Variants in FNIP1 observed in about 807,000 individuals in gnomAD.
The protein encoded by FNIP1 is folliculin interacting protein 1, also known as folliculin-interacting protein 1.
FNIP1 carries 40 observed loss-of-function variants against 124.5 expected under a neutral mutation model. The ratio of observed to expected loss-of-function variants is 0.32; its 90% CI spans 0.25 to 0.42. FNIP1 has a LOEUF of 0.42. Ranked by LOEUF, FNIP1 falls within the 10% of genes least tolerant of loss-of-function variation. The pLI, the probability that FNIP1 is intolerant of heterozygous loss-of-function variation, is 1.00. For synonymous variants in FNIP1, 472 were observed against 470.6 expected (o/e 1.00, Z -0.04); for missense variants, 1,176 against 1,403.7 (o/e 0.84, Z 2.59).
chr5:131,687,788 A>G (rs952018809), intron 11 of FNIP1, among the ~76,000 whole-genome samples: 1 of 152,196 alleles, frequency 6.6e-6, no homozygotes, highest in Admixed American at 6.5e-5. Context: ...CTCAGTGACA[A>G]AAACTCCTAG....
intron 6 of FNIP1, among the ~76,000 whole-genome samples, chr5:131,713,342 G>A (rs921950503): frequency 5.9e-5 from 9 of 152,098 alleles, no homozygotes; most frequent in Admixed American, 1.3e-4. Flanking sequence ...CACCGCGCCC[G>A]GCCTCGTACC....
At chr5:131,659,603 G>A (rs1767347837) in intron 15 of FNIP1, among the ~76,000 whole-genome samples, 1 of 152,208 alleles carries the variant, frequency 6.6e-6, no homozygotes, top group African/African-American at 2.4e-5. Flanking sequence ...GATGGCACGG[G>A]GGAGGGCGTA....
Position 131,672,132 on chromosome 5 carries a change from G to A in FNIP1, c.2312C>T (p.Ala771Val). 1 of 1,614,130 alleles carries A rather than the reference G, an allele frequency of 6.2e-7. No individual in the cohort carries two copies. The highest frequency in any genetic ancestry group is 8.5e-7 in the Non-Finnish European group (1 of 1,180,026). Residue 771 changes from alanine to valine, a missense_variant, in exon 14 of 18, where the codon GCA (alanine) becomes GTA (valine). Coordinates refer to ENST00000510461, the MANE Select transcript of FNIP1 (RefSeq NM_133372.3). ...ATGTCTGGTAATCTGATCCACCACTGCCTGACTTCGAAGCTCAGTATCTGA... is the reference window on the plus strand; with the variant it reads ...ATGTCTGGTAATCTGATCCACCACTACCTGACTTCGAAGCTCAGTATCTGA... Reference protein sequence around the residue: ...PDSDTELRSQAVVDQITRHHT... With the variant: ...PDSDTELRSQVVVDQITRHHT...
intron 15 of FNIP1, among the ~76,000 whole-genome samples, chr5:131,661,342 AG>A (rs1251225381): frequency 2.6e-5 from 4 of 151,854 alleles, no homozygotes; most frequent in Non-Finnish European, 4.4e-5. Context: ...ACATTTGCTG[AG>A]CAGTAAAGGA....
intron 1 of FNIP1, among the ~76,000 whole-genome samples, chr5:131,785,766 A>G (rs1030998253): frequency 6.6e-6 from 1 of 152,166 alleles, no homozygotes; most frequent in Non-Finnish European, 1.5e-5. Flanking sequence ...GCTACTTGGG[A>G]GGCTGAAGCA....
At chr5:131,666,437 G>A (rs1310249979) in intron 15 of FNIP1, among the ~76,000 whole-genome samples, 1 of 152,132 alleles carries the variant, frequency 6.6e-6, no homozygotes, top group East Asian at 1.9e-4. Flanking sequence ...AGGAATCCAA[G>A]AGCAACAGAC....
chr5:131,789,053 C>T (rs1447601752), intron 1 of FNIP1, among the ~76,000 whole-genome samples: 1 of 151,936 alleles, frequency 6.6e-6, no homozygotes, highest in East Asian at 1.9e-4. Flanking sequence ...AAGAAAATGT[C>T]GTATATATAC....
At chr5:131,695,257 T>C (rs562395865) in intron 11 of FNIP1, among the ~76,000 whole-genome samples, 64 of 152,350 alleles carry the variant, frequency 4.2e-4, no homozygotes, top group Admixed American at 2.0e-3. Context: ...ATTAAGTCTC[T>C]TCATTGTGTG....
At chr5:131,741,823 T>C (rs1340397681) in intron 2 of FNIP1, among the ~76,000 whole-genome samples, 1 of 152,210 alleles carries the variant, frequency 6.6e-6, no homozygotes, top group African/African-American at 2.4e-5. Context: ...TTTAATTAAA[T>C]ACACTCAAAC....
At chr5:131,666,434 C>T (rs1767606915) in intron 15 of FNIP1, among the ~76,000 whole-genome samples, 1 of 151,990 alleles carries the variant, frequency 6.6e-6, no homozygotes, top group African/African-American at 2.4e-5. Flanking sequence ...GGAAGGAATC[C>T]AAGAGCAACA....
intron 13 of FNIP1, 131 bp downstream of exon 13, chr5:131,677,572 C>T: frequency 1.2e-6 from 1 of 817,064 alleles, no homozygotes; most frequent in South Asian, 2.2e-5. Context: ...CATGAAAGGA[C>T]AAGCAAAGCA....
intron 2 of FNIP1, 98 bp downstream of exon 2, chr5:131,744,466 A>G: frequency 1.6e-6 from 2 of 1,223,542 alleles, no homozygotes; most frequent in East Asian, 2.7e-5. Flanking sequence ...ATATCCAGTC[A>G]TTTCCTTCTC....
intron 15 of FNIP1, among the ~76,000 whole-genome samples, chr5:131,657,019 CT>C (rs71000999): frequency 0.15 from 13,194 of 89,926 alleles, 315 homozygotes; most frequent in East Asian, 0.3. Context: ...CCACCCATGC[CT>C]TTTTTTTTTT....
chr5:131,783,381 A>C (rs1038018266), intron 1 of FNIP1, among the ~76,000 whole-genome samples: 5 of 152,054 alleles, frequency 3.3e-5, no homozygotes, highest in Non-Finnish European at 2.9e-5. Context: ...TTCACCCCCC[A>C]AAAAATGAAA....
At chr5:131,689,619 T>G (rs1768406214) in intron 11 of FNIP1, among the ~76,000 whole-genome samples, 1 of 152,170 alleles carries the variant, frequency 6.6e-6, no homozygotes, top group African/African-American at 2.4e-5. Context: ...TGTAAATGTG[T>G]ATTGCCAACT....
At chr5:131,657,736 C>CAAAAAAAAAAAAAAAAAAAAAA (rs59097834) in intron 15 of FNIP1, among the ~76,000 whole-genome samples, 2 of 65,056 alleles carry the variant, frequency 3.1e-5, no homozygotes, top group African/African-American at 1.2e-4. Context: ...GAAAATAAGG[C>CAAAAAAAAAAAAAAAAAAAAAA]AAAAAAAAAA....
chr5:131,647,051 G>A (rs752931317), intron 17 of FNIP1, 39 bp downstream of exon 17: 2 of 1,552,160 alleles, frequency 1.3e-6, no homozygotes, highest in Non-Finnish European at 1.8e-6. Context: ...TGATGACAGG[G>A]CAATGAAAGC....
intron 1 of FNIP1, among the ~76,000 whole-genome samples, chr5:131,761,574 A>C (rs1447885504): frequency 6.6e-6 from 1 of 152,202 alleles, no homozygotes; most frequent in African/African-American, 2.4e-5. Flanking sequence ...GGTCTCTACA[A>C]TAAAAATTAT....
rs1301851287 is a variant in FNIP1, at chr5:131,704,109, G to A, written c.1072C>T (p.Leu358Phe). The change falls in exon 10 of 18, where the codon CTC (leucine) becomes TTC (phenylalanine). Residue 358 changes from leucine to phenylalanine, a missense_variant. By Grantham distance (22) the Leu-to-Phe change is conservative (BLOSUM62 0). Transcript: ENST00000510461. ...AATTTGTTCATGTGGCTTTCAAAGA[G>A]AGGAAAATGTGAAAAAAAGAATTCA... The part of the protein sequence containing the change: ...FNEFFFSHFP[L>F]FESHMNKLKS... 1 of 1,612,568 alleles carries A rather than the reference G, an allele frequency of 6.2e-7. No individual in the cohort carries two copies. The highest frequency in any genetic ancestry group is 8.5e-7 in the Non-Finnish European group (1 of 1,178,852).
Sources: gnomAD v4.1 joint callset for allele counts (sites outside exome capture counted in the v4.1 genomes callset) on GRCh38, gnomAD v4.1.1 for gene constraint, MANE v1.5 for transcripts, NCBI Gene and HGNC (gene_info 2026-07-23, HGNC 2026-07-21) for gene names.